ZNF407: variants seen among roughly 807,000 people sequenced by gnomAD.
ZNF407 encodes the protein zinc finger protein 407.
Under a neutral mutation model 131.2 loss-of-function variants are expected in ZNF407, and 17 were observed. That is an observed-to-expected ratio of 0.13 (90% CI 0.09 to 0.19). The LOEUF (loss-of-function observed/expected upper bound fraction) is 0.19, where lower values mean the gene tolerates loss of function less well. Ranked by LOEUF, ZNF407 falls within the 10% of genes least tolerant of loss-of-function variation. The pLI is 1.00. For synonymous variants in ZNF407, 1,156 were observed against 1,062.0 expected, an observed-to-expected ratio of 1.09 and a Z score of -1.72; for missense variants, 2,681 against 2,830.6, an observed-to-expected ratio of 0.95 and a Z score of 1.20.
intron 4 of ZNF407, among the ~76,000 whole-genome samples, chr18:74,841,939 CT>C (rs1970639679): frequency 6.6e-6 from 1 of 152,136 alleles, no homozygotes; most frequent in Non-Finnish European, 1.5e-5. Context: ...AAATTGTGAA[CT>C]TTCTTTTTCG....
intron 6 of ZNF407, among the ~76,000 whole-genome samples, chr18:74,884,163 A>G (rs754607760): frequency 8.5e-5 from 13 of 152,188 alleles, no homozygotes; most frequent in Non-Finnish European, 1.3e-4. Flanking sequence ...TCATCTTCAA[A>G]CCATTAGCAA....
chr18:74,724,897 T>A (rs922196053), intron 3 of ZNF407, among the ~76,000 whole-genome samples: 1 of 152,220 alleles, frequency 6.6e-6, no homozygotes, highest in Non-Finnish European at 1.5e-5. Flanking sequence ...TGTTTAAAGT[T>A]GTTATTACAC....
At chr18:74,878,842 A>C (rs1334063424) in intron 5 of ZNF407, among the ~76,000 whole-genome samples, 1 of 151,854 alleles carries the variant, frequency 6.6e-6, no homozygotes, top group African/African-American at 2.4e-5. Flanking sequence ...TCTCAAAAAA[A>C]ACACTCTGTT....
At chr18:74,818,090 G>A (rs1206043117) in intron 4 of ZNF407, among the ~76,000 whole-genome samples, 1 of 152,182 alleles carries the variant, frequency 6.6e-6, no homozygotes, top group Non-Finnish European at 1.5e-5. Flanking sequence ...CACTAGGTCA[G>A]CTTGGAATTT....
At chr18:74,849,085 CTGT>C (rs1218509296) in intron 4 of ZNF407, among the ~76,000 whole-genome samples, 17 of 85,254 alleles carry the variant, frequency 2.0e-4, no homozygotes, top group Non-Finnish European at 3.9e-4. Flanking sequence ...TTTTTTGTTG[CTGT>C]TGTTGTTGAG....
intron 8 of ZNF407, among the ~76,000 whole-genome samples, chr18:74,986,550 A>G (rs1366506311): frequency 1.3e-5 from 2 of 152,158 alleles, no homozygotes; most frequent in Admixed American, 1.3e-4. Context: ...CCATCCATGA[A>G]TGTCATCCAT....
intron 8 of ZNF407, among the ~76,000 whole-genome samples, chr18:75,008,109 G>C (rs926423770): frequency 6.6e-6 from 1 of 152,216 alleles, no homozygotes; most frequent in African/African-American, 2.4e-5. Flanking sequence ...GAAGTTCACT[G>C]AATGCCATGC....
intron 4 of ZNF407, among the ~76,000 whole-genome samples, chr18:74,807,467 T>G (rs534382704): frequency 6.6e-6 from 1 of 152,190 alleles, no homozygotes; most frequent in Non-Finnish European, 1.5e-5. Flanking sequence ...ACACTAGTTA[T>G]GCTATAGTAT....
chr18:74,761,437 T>G (rs1969093701), intron 3 of ZNF407, among the ~76,000 whole-genome samples: 1 of 152,188 alleles, frequency 6.6e-6, no homozygotes, highest in Non-Finnish European at 1.5e-5. Context: ...CAATTTTTTT[T>G]ACAAAGCACA....
chr18:74,958,206 C>T (rs1972298378), intron 8 of ZNF407, among the ~76,000 whole-genome samples: 1 of 152,062 alleles, frequency 6.6e-6, no homozygotes, highest in South Asian at 2.1e-4. Context: ...TAAGTGCCTG[C>T]GATAAAACAG....
intron 8 of ZNF407, among the ~76,000 whole-genome samples, chr18:75,021,634 T>C (rs1237864614): frequency 6.6e-6 from 1 of 152,144 alleles, no homozygotes; most frequent in Non-Finnish European, 1.5e-5. Flanking sequence ...TAATATTTAA[T>C]AAATTTTGTG....
rs759921804 is a variant in ZNF407 at position 74,632,658 on chromosome 18, G to T, written c.1639G>T (p.Val547Leu). 30 of 1,613,948 alleles carry T rather than the reference G, an allele frequency of 1.9e-5. No individual in the cohort carries two copies. The highest frequency in any genetic ancestry group is 2.2e-5 in the Non-Finnish European group (26 of 1,179,920). The change falls in exon 2 of 9, where the codon GTG (valine) becomes TTG (leucine). Residue 547 changes from valine to leucine, a missense_variant. Around this residue, in one of 6 missense-constraint regions of ZNF407, gnomAD observed 1,789 missense variants for 1,748.7 expected, o/e 1.02. Coordinates refer to ENST00000299687, the MANE Select transcript of ZNF407 (RefSeq NM_017757.3). ...AAATAGGACAGATTTGGAAATCCATGTGAAAAGGTGCCATGCCAGAGAGAT... is the reference window on the plus strand; with the variant it reads ...AAATAGGACAGATTTGGAAATCCATTTGAAAAGGTGCCATGCCAGAGAGAT... Reference protein sequence around the residue: ...ATNRTDLEIHVKRCHAREMKF... With the variant: ...ATNRTDLEIHLKRCHAREMKF...
chr18:75,063,550 C>T lies in ZNF407; in HGVS notation c.5829C>T (p.Val1943=). The T allele has an allele frequency of 8.3e-6, 13 of 1,567,428 alleles. No homozygotes were observed. Among genetic ancestry groups the T allele is most frequent in the African/African-American group, 1.4e-5 (1 of 73,788 alleles). Residue 1943 remains valine (V), a synonymous_variant, in exon 9 of 9, where the codon GTC becomes GTT. Coordinates refer to ENST00000299687, the MANE Select transcript of ZNF407 (RefSeq NM_017757.3). The surrounding 1 kb of genome is among the most constrained non-coding windows in gnomAD (Gnocchi z 6.6). Reference sequence around the variant, plus strand: ...CTGATGGAGCCACCCAGGTGGTCGTCGTGGGGGGCTCCATGGAAGGCCACG... The same window carrying T: ...CTGATGGAGCCACCCAGGTGGTCGTTGTGGGGGGCTCCATGGAAGGCCACG... ...QLADGATQVV[V]VGGSMEGHGM...
chr18:74,635,748 G>A lies in ZNF407; in HGVS notation c.4687+42G>A. On this transcript the variant is annotated intron_variant, in intron 2 of 8. Coordinates refer to ENST00000299687, the MANE Select transcript of ZNF407 (RefSeq NM_017757.3). This position sits in a 1 kb window ranked among gnomAD's most constrained non-coding sequence, Gnocchi z 4.7. ...CAAGCCAAGTCAGTGAGGACATGGG[G>A]CCATTTGTTCCCATCCAGATATGCA... 6.5e-7 allele frequency: 1 copy of A among 1,529,694 alleles called. No homozygotes were observed. The highest frequency in any genetic ancestry group is 1.3e-5 in the South Asian group (1 of 76,346). The allele number at this position is 1,529,694 out of a possible 1,614,324, so 94.8% of individuals were successfully genotyped here. A position where few individuals can be genotyped will look rare whatever the true frequency, so the allele number is the denominator to read the frequency against.
At chr18:74,746,002 G>T (rs12965436) in intron 3 of ZNF407, among the ~76,000 whole-genome samples, 1 of 151,996 alleles carries the variant, frequency 6.6e-6, no homozygotes, top group Non-Finnish European at 1.5e-5. Context: ...TGAGTTAGGC[G>T]ATTTTGTTAC....
At position 75,020,342 on chromosome 18, in the gene ZNF407, A is replaced by G. The variant is rs201958530; in HGVS notation, c.5429-42808A>G. On this transcript the variant is annotated intron_variant, in intron 8 of 8. Coordinates refer to ENST00000299687, the MANE Select transcript of ZNF407 (RefSeq NM_017757.3). ...TGTGTGTGTGTGTGTGTGTGTGTGT[A>G]TATATATATAGGATCTGGTACTATC... 3.1e-3 allele frequency among the ~76,000 whole-genome samples: 428 copies of G among 138,766 alleles called. 2 individuals carry two copies. Among genetic ancestry groups the G allele is most frequent in the Non-Finnish European group, 4.7e-3 (290 of 62,156 alleles). The allele number at this position is 138,766 out of a possible 152,430, so 91.0% of individuals were successfully genotyped here.
intron 3 of ZNF407, among the ~76,000 whole-genome samples, chr18:74,729,208 G>T (rs74502192): frequency 0.029 from 4,340 of 152,242 alleles, 81 homozygotes; most frequent in Middle Eastern, 0.044. Context: ...TGGAGTGATG[G>T]TCCGTGGAAG....
At chr18:74,747,758 C>T (rs1274560809) in intron 3 of ZNF407, among the ~76,000 whole-genome samples, 1 of 152,050 alleles carries the variant, frequency 6.6e-6, no homozygotes, top group African/African-American at 2.4e-5. Flanking sequence ...TATCCTATCT[C>T]TTAGTTAAAA....
At chr18:74,871,866 CTTTTTT>C (rs34246690) in intron 4 of ZNF407, among the ~76,000 whole-genome samples, 14 of 145,492 alleles carry the variant, frequency 9.6e-5, no homozygotes, top group African/African-American at 3.0e-4. Flanking sequence ...TTCTTTCTTT[CTTTTTT>C]TTTTTTTGAA....
Sources: gnomAD v4.1 joint callset for allele counts (sites outside exome capture counted in the v4.1 genomes callset) on GRCh38, gnomAD v4.1.1 for gene constraint, gnomAD v4.1.1 regional missense constraint, Gnocchi (gnomAD v3.1) non-coding constraint, MANE v1.5 for transcripts, NCBI Gene and HGNC (gene_info 2026-07-23, HGNC 2026-07-21) for gene names.